Variants in ANK2 observed in about 807,000 individuals in gnomAD.
The protein encoded by ANK2 is ankyrin 2, also known as ankyrin-2.
Under a neutral mutation model 360.5 loss-of-function variants are expected in ANK2, and 83 were observed. The ratio of observed to expected loss-of-function variants is 0.23; its 90% CI spans 0.19 to 0.28. The LOEUF is 0.28. ANK2 is among the 10% of genes least tolerant of loss of function. The probability of loss-of-function intolerance (pLI) is 1.00; values close to 1 mark genes in which losing one functional copy is unlikely to be tolerated. For missense variants in ANK2, 4,201 were observed against 4,795.7 expected (o/e 0.88, Z 3.66); for synonymous variants, 1,740 against 1,759.5 (o/e 0.99, Z 0.28).
At position 113,149,874 on chromosome 4, in the gene ANK2, C is replaced by CAAAAAAAAAAAAAAAAAAA. The variant is rs34667216; in HGVS notation, c.85-24534_85-24516dup. ...CTTGCGTGAGAGTGAGACCCTGCCT[C>CAAAAAAAAAAAAAAAAAAA]AAAAAAAAAAAAAAAAAAAAAAAAA... On this transcript the variant is annotated intron_variant, in intron 1 of 45. Coordinates refer to ENST00000357077, the MANE Select transcript of ANK2 (RefSeq NM_001148.6). Among the ~76,000 whole-genome samples the CAAAAAAAAAAAAAAAAAAA allele has an allele frequency of 3.2e-4, 10 of 31,406 alleles. 1 individual carries two copies. The highest frequency in any genetic ancestry group is 1.8e-3 in the Admixed American group (3 of 1,696). The allele number at this position is 31,406 out of a possible 152,430, so 20.6% of individuals were successfully genotyped here.
rs748468378 is a variant in ANK2, at chr4:113,174,483, T to A, written c.152T>A (p.Leu51Gln). The part of the protein sequence containing the change: ...AGNLDKVVEY[L>Q]KGGIDINTCN... ...AACCTGGACAAAGTTGTGGAATATC[T>A]GAAGGGGGGCATAGACATCAATACC... Residue 51 changes from leucine to glutamine, a missense_variant, in exon 2 of 46, where the codon CTG becomes CAG. Coordinates refer to ENST00000357077, the MANE Select transcript of ANK2 (RefSeq NM_001148.6). The A allele has an allele frequency of 6.2e-7, 1 of 1,613,072 alleles. No homozygotes were observed. The highest frequency in any genetic ancestry group is 8.5e-7 in the Non-Finnish European group (1 of 1,179,380).
In ANK2 at chr4:113,350,961, A is replaced by G. The variant is rs2095376149; in HGVS notation, c.4426+712A>G. On this transcript the variant is annotated intron_variant, in intron 37 of 45. Coordinates refer to ENST00000357077, the MANE Select transcript of ANK2 (RefSeq NM_001148.6). ...ATTTTAAATAATGATGCAAATCCCA[A>G]ACCTGATCTAGTAGAGAGAGAACTG... The G allele has an allele frequency of 3.3e-5, 5 of 152,304 alleles. No individual in the cohort carries two copies. The South Asian group carries it at 6.2e-4, about 19-fold the overall frequency. 9.4% of individuals were successfully genotyped at this position (152,304 alleles called of 1,614,324 possible).
intron 1 of ANK2, among the ~76,000 whole-genome samples, chr4:113,160,608 CTTATA>C (rs1162273114): frequency 6.0e-5 from 9 of 150,198 alleles, no homozygotes; most frequent in African/African-American, 1.3e-4. Flanking sequence ...TTGTTTTTCC[CTTATA>C]TTATATTTCC....
chr4:113,020,999 TATTC>T (rs548042646), intron 2 of ANK2, among the ~76,000 whole-genome samples: 124 of 152,282 alleles, frequency 8.1e-4, no homozygotes, highest in African/African-American at 2.8e-3. Flanking sequence ...TTTTCACAGA[TATTC>T]ATTTGTTATG....
At chr4:113,130,520 A>T (rs1393526872) in intron 1 of ANK2, among the ~76,000 whole-genome samples, 1 of 152,194 alleles carries the variant, frequency 6.6e-6, no homozygotes, top group African/African-American at 2.4e-5. Context: ...TTAATGTTAC[A>T]TGCGTGTTCT....
chr4:112,799,561 G>A, the ANK2 span, among the ~76,000 whole-genome samples: 1 of 150,974 alleles, frequency 6.6e-6, no homozygotes, highest in Non-Finnish European at 1.5e-5. Flanking sequence ...GTGTCACCCC[G>A]GCTGGAGTGC....
intron 2 of ANK2, among the ~76,000 whole-genome samples, chr4:112,977,205 TTGA>T (rs2041727681): frequency 6.6e-6 from 1 of 152,122 alleles, no homozygotes; most frequent in Non-Finnish European, 1.5e-5. Flanking sequence ...AAACAACGAG[TTGA>T]TGATGTCAAA....
intron 43 of ANK2, among the ~76,000 whole-genome samples, chr4:113,371,307 T>G (rs1046605308): frequency 3.3e-5 from 5 of 152,192 alleles, no homozygotes; most frequent in East Asian, 1.9e-4. Context: ...GGCAGTTTTC[T>G]TAAATAATAA....
the ANK2 span, among the ~76,000 whole-genome samples, chr4:112,780,199 A>AG: frequency 2.6e-5 from 4 of 152,020 alleles, no homozygotes; most frequent in Non-Finnish European, 5.9e-5. Context: ...AAAAAAAAAA[A>AG]AAGAAGTCAG....
Position 113,102,398 on chromosome 4 carries a change from G to A in ANK2, c.84+52586G>A, listed in dbSNP as rs544322472. ...AGACATCAAAGTGGATATGTCAGAT[G>A]GGCAGCTCAGAAAAGAGGCTAGAAC... is the stretch of plus-strand genomic sequence containing the variant. On this transcript the variant is annotated intron_variant, in intron 1 of 45. Transcript: ENST00000357077. 2.0e-5 allele frequency among the ~76,000 whole-genome samples: 3 copies of A among 152,182 alleles called. No homozygotes were observed. In the South Asian group the frequency reaches 6.2e-4, roughly 32 times the overall value.
At position 113,240,656 on chromosome 4, in the gene ANK2, A is replaced by G. The variant is rs182641718; in HGVS notation, c.792+73A>G. On this transcript the variant is annotated intron_variant, in intron 8 of 45. Coordinates refer to ENST00000357077, the MANE Select transcript of ANK2 (RefSeq NM_001148.6). ...TTTAATAAAGTAAAAAGGAACACCA[A>G]TGGCTTTCTTAAAGATTTTACTTCT... is the stretch of plus-strand genomic sequence containing the variant. 4.7e-4 allele frequency: 621 copies of G among 1,319,006 alleles called. 4 individuals are homozygous for G. In the East Asian group the frequency reaches 0.012, roughly 26 times the overall value. 81.7% of individuals were successfully genotyped at this position (1,319,006 alleles called of 1,614,324 possible). A position where few individuals can be genotyped will look rare whatever the true frequency, so the allele number is the denominator to read the frequency against.
At chr4:113,040,840 T>C (rs1579758994) in intron 2 of ANK2, among the ~76,000 whole-genome samples, 1 of 152,184 alleles carries the variant, frequency 6.6e-6, no homozygotes, top group African/African-American at 2.4e-5. Flanking sequence ...CAGTCCCTAA[T>C]GTTTTTGGGT....
At chr4:113,130,061 T>C (rs2095913103) in intron 1 of ANK2, among the ~76,000 whole-genome samples, 1 of 152,226 alleles carries the variant, frequency 6.6e-6, no homozygotes, top group South Asian at 2.1e-4. Flanking sequence ...ATCTGTATAA[T>C]ATGCTGTTTC....
At chr4:112,977,786 G>A (rs2041928029) in intron 2 of ANK2, among the ~76,000 whole-genome samples, 1 of 151,944 alleles carries the variant, frequency 6.6e-6, no homozygotes, top group Admixed American at 6.6e-5. Context: ...CTGTGTCCAT[G>A]TGTTCTCATT....
chr4:112,810,123 G>GTGTA, the ANK2 span, among the ~76,000 whole-genome samples: 3 of 47,188 alleles, frequency 6.4e-5, no homozygotes, highest in Non-Finnish European at 1.2e-4. Flanking sequence ...TTAATTTTTT[G>GTGTA]TGTATATATA....
At chr4:112,888,798 G>T (rs572326647) in intron 1 of ANK2, among the ~76,000 whole-genome samples, 1 of 152,144 alleles carries the variant, frequency 6.6e-6, no homozygotes, top group Non-Finnish European at 1.5e-5. Flanking sequence ...GTTGAATGGC[G>T]AAGTCTTTTC....
At chr4:113,021,923 G>A (rs1322697644) in intron 2 of ANK2, among the ~76,000 whole-genome samples, 3 of 152,114 alleles carry the variant, frequency 2.0e-5, no homozygotes, top group African/African-American at 7.2e-5. Flanking sequence ...TTCCCACTTT[G>A]AAGCTGGCAG....
intron 42 of ANK2, among the ~76,000 whole-genome samples, chr4:113,368,906 C>G (rs2096632045): frequency 6.6e-6 from 1 of 152,048 alleles, no homozygotes. Flanking sequence ...CACTGAATAC[C>G]AAAAGAAGGC....
In ANK2 at chr4:113,358,202, C is replaced by T; in HGVS notation, c.9584C>T (p.Ala3195Val). 3 of 1,614,082 alleles carry T rather than the reference C, an allele frequency of 1.9e-6. No individual in the cohort carries two copies. Among genetic ancestry groups the T allele is most frequent in the Non-Finnish European group, 1.7e-6 (2 of 1,179,952 alleles). The part of the protein sequence containing the change: ...DVSEEVEEIP[A>V]SDAQLNSQMG... Reference sequence around the variant, plus strand: ...AGTGAGGAAGTAGAGGAAATACCTGCTTCGGATGCTCAACTTAACTCCCAA... The same window carrying T: ...AGTGAGGAAGTAGAGGAAATACCTGTTTCGGATGCTCAACTTAACTCCCAA... The change falls in exon 38 of 46, where the codon GCT becomes GTT. Residue 3195 changes from alanine (A) to valine (V), a missense_variant. This residue lies in a region of ANK2 where 2,642 missense variants were observed against 2,714.5 expected (regional missense o/e 0.97). Transcript: ENST00000357077.
Sources: gnomAD v4.1 joint callset for allele counts (sites outside exome capture counted in the v4.1 genomes callset) on GRCh38, gnomAD v4.1.1 for gene constraint, gnomAD v4.1.1 regional missense constraint, MANE v1.5 for transcripts, NCBI Gene and HGNC (gene_info 2026-07-23, HGNC 2026-07-21) for gene names.